TBCK: variants seen among roughly 807,000 people sequenced by gnomAD.
TBCK encodes the protein TBC domain-containing protein kinase-like protein.
Under a neutral mutation model 113.4 loss-of-function variants are expected in TBCK, and 99 were observed. The ratio of observed to expected loss-of-function variants is 0.87; its 90% confidence interval spans 0.74 to 1.03. TBCK has a LOEUF of 1.03. Among genes scored for constraint, TBCK ranks in the 50% least tolerant of loss-of-function variants. The pLI is 0.00. For missense variants in TBCK, 1,045 were observed against 1,061.3 expected, an observed-to-expected ratio of 0.98 and a Z score of 0.21; for synonymous variants, 369 against 370.8, an observed-to-expected ratio of 1.00 and a Z score of 0.05.
intron 20 of TBCK, among the ~76,000 whole-genome samples, chr4:106,198,270 T>C (rs773969197): frequency 1.2e-4 from 19 of 152,292 alleles, no homozygotes; most frequent in Non-Finnish European, 1.9e-4. Flanking sequence ...AACTATGTCA[T>C]AGAGATGGTG....
At chr4:106,246,466 A>G (rs1760825177) in intron 10 of TBCK, among the ~76,000 whole-genome samples, 1 of 152,158 alleles carries the variant, frequency 6.6e-6, no homozygotes, top group South Asian at 2.1e-4. Flanking sequence ...GCAGAATATA[A>G]TGATATATAA....
intron 1 of TBCK, 90 bp from the exon 2 acceptor site, chr4:106,309,079 T>C: frequency 8.7e-6 from 7 of 802,462 alleles, no homozygotes; most frequent in Non-Finnish European, 1.3e-5. Context: ...TGGAGGAAAA[T>C]GCCAACCTGA....
chr4:106,070,793 G>A (rs891342591), intron 25 of TBCK, among the ~76,000 whole-genome samples: 2 of 152,064 alleles, frequency 1.3e-5, no homozygotes, highest in Admixed American at 6.5e-5. Flanking sequence ...TTGGTTGGTA[G>A]GCTATTAATT....
intron 3 of TBCK, among the ~76,000 whole-genome samples, chr4:106,265,925 T>C (rs1041821338): frequency 1.3e-5 from 2 of 151,844 alleles, no homozygotes; most frequent in Non-Finnish European, 2.9e-5. Flanking sequence ...TTATAAAGAA[T>C]GCTATTTAAA....
chr4:106,121,520 A>C (rs1362581377), intron 23 of TBCK, among the ~76,000 whole-genome samples: 1 of 151,314 alleles, frequency 6.6e-6, no homozygotes, highest in South Asian at 2.1e-4. Flanking sequence ...TGCACCAAGC[A>C]GACCTAATAG....
intron 19 of TBCK, among the ~76,000 whole-genome samples, chr4:106,227,350 G>A (rs893794707): frequency 6.6e-6 from 1 of 151,850 alleles, no homozygotes; most frequent in African/African-American, 2.4e-5. Flanking sequence ...GGTACATGAT[G>A]CTGAAAAAAC....
chr4:106,312,162 C>T (rs1768267051), intron 1 of TBCK, among the ~76,000 whole-genome samples: 1 of 151,994 alleles, frequency 6.6e-6, no homozygotes, highest in Admixed American at 6.6e-5. Context: ...TTATTTACAT[C>T]TGTCTGTATA....
chr4:106,106,231 T>A (rs954270687), intron 24 of TBCK, among the ~76,000 whole-genome samples: 1 of 152,204 alleles, frequency 6.6e-6, no homozygotes, highest in African/African-American at 2.4e-5. Flanking sequence ...TCAGGATATC[T>A]TCCATGAAAA....
chr4:106,316,424 G>A (rs1435297467), upstream of TBCK: 31 of 950,814 alleles, frequency 3.3e-5, no homozygotes, highest in East Asian at 8.0e-4. Context: ...GCAGGTTAAT[G>A]GGACTGAGCA....
chr4:106,257,000 C>G (rs987185734), intron 5 of TBCK, among the ~76,000 whole-genome samples: 1 of 151,874 alleles, frequency 6.6e-6, no homozygotes, highest in Admixed American at 6.6e-5. Flanking sequence ...CTACAACTAC[C>G]AATGAGACTT....
intron 23 of TBCK, among the ~76,000 whole-genome samples, chr4:106,163,019 G>A (rs1053337724): frequency 1.8e-4 from 27 of 151,938 alleles, no homozygotes; most frequent in South Asian, 2.1e-4. Context: ...AAACTTTTAT[G>A]GTCTGCTTCC....
chr4:106,247,394 C>A (rs1364462671), intron 9 of TBCK, 107 bp from the exon 10 acceptor site: 34 of 997,576 alleles, frequency 3.4e-5, no homozygotes, highest in Non-Finnish European at 4.5e-5. Flanking sequence ...ACCTCATTAG[C>A]ACAGAAAATA....
Position 106,044,931 on chromosome 4 carries a change from A to G in TBCK, c.*1639T>C, listed in dbSNP as rs1734081306. The G allele has an allele frequency of 6.6e-6, 1 of 152,216 alleles. No homozygotes were observed. The highest frequency in any genetic ancestry group is 2.4e-5 in the African/African-American group (1 of 41,454). The allele number at this position is 152,216 out of a possible 1,614,324, so 9.4% of individuals were successfully genotyped here. A position where few individuals can be genotyped will look rare whatever the true frequency, so the allele number is the denominator to read the frequency against. ...TAGGCAGTCTTAACATTGGAGTGGA[A>G]TGTAAGTTATAGATGAATGAACACT... On this transcript the variant is annotated 3_prime_UTR_variant, in exon 26 of 26. Coordinates refer to ENST00000394708, the MANE Select transcript of TBCK (RefSeq NM_001163435.3).
In TBCK at chr4:106,308,830, A is replaced by T; in HGVS notation, c.131T>A (p.Ile44Asn). 1.2e-6 allele frequency: 2 copies of T among 1,614,188 alleles called. No individual in the cohort carries two copies. The highest frequency in any genetic ancestry group is 1.1e-5 in the South Asian group (1 of 91,084). ...TCTGGGATGGGTGATGGTTTTAAGGATTTGAAAGCGCCCTAAAATTTTGAT... is the reference window on the plus strand; with the variant it reads ...TCTGGGATGGGTGATGGTTTTAAGGTTTTGAAAGCGCCCTAAAATTTTGAT... Reference protein sequence around the residue: ...NSIKILGRFQILKTITHPRLC... With the variant: ...NSIKILGRFQNLKTITHPRLC... The change falls in exon 2 of 26, where the codon ATC (isoleucine) becomes AAC (asparagine). Residue 44 changes from isoleucine to asparagine, a missense_variant. Ile to Asn is a moderately radical substitution (Grantham distance 149). Coordinates refer to ENST00000394708, the MANE Select transcript of TBCK (RefSeq NM_001163435.3).
chr4:106,159,129 T>C (rs1579080479), intron 23 of TBCK, among the ~76,000 whole-genome samples: 2 of 150,492 alleles, frequency 1.3e-5, no homozygotes, highest in South Asian at 4.2e-4. Flanking sequence ...TAACTAGGAA[T>C]AGAAGGAAAC....
intron 23 of TBCK, among the ~76,000 whole-genome samples, chr4:106,148,831 T>TTTTGAAGC (rs1748138292): frequency 6.6e-6 from 1 of 152,194 alleles, no homozygotes; most frequent in African/African-American, 2.4e-5. Flanking sequence ...TCAGCCTATC[T>TTTTGAAGC]TTTGAAGCTT....
chr4:106,191,208 T>C (rs1020831119), intron 22 of TBCK, among the ~76,000 whole-genome samples: 1 of 152,154 alleles, frequency 6.6e-6, no homozygotes, highest in South Asian at 2.1e-4. Context: ...ATCTGAAGTA[T>C]AAAGGTGGAT....
At chr4:106,075,145 G>A (rs1738020943) in intron 25 of TBCK, among the ~76,000 whole-genome samples, 1 of 152,100 alleles carries the variant, frequency 6.6e-6, no homozygotes, top group Non-Finnish European at 1.5e-5. Context: ...AAATTAGTGG[G>A]AAGGAAAAAC....
At chr4:106,183,126 C>G (rs1338098698) in intron 22 of TBCK, among the ~76,000 whole-genome samples, 1 of 152,008 alleles carries the variant, frequency 6.6e-6, no homozygotes, top group Non-Finnish European at 1.5e-5. Flanking sequence ...TTACCACATT[C>G]TTGAAGTTAT....
Sources: allele counts gnomAD v4.1 joint callset (sites outside exome capture counted in the v4.1 genomes callset), GRCh38; gene constraint gnomAD v4.1.1; transcripts MANE v1.5; gene names NCBI Gene and HGNC (gene_info 2026-07-23, HGNC 2026-07-21).